Variants in CACNA2D3 observed in about 807,000 individuals in gnomAD.
CACNA2D3 encodes voltage-dependent calcium channel subunit alpha-2/delta-3.
CACNA2D3 carries 60 observed loss-of-function variants against 160.6 expected under a neutral mutation model. That is an observed-to-expected ratio of 0.37 (90% confidence interval 0.30 to 0.46). The LOEUF is 0.46. Among genes scored for constraint, CACNA2D3 ranks in the 20% least tolerant of loss-of-function variants. The pLI, the probability that CACNA2D3 is intolerant of heterozygous loss-of-function variation, is 1.00. For synonymous variants in CACNA2D3, 558 were observed against 492.9 expected (o/e 1.13, Z -1.75); for missense variants, 1,205 against 1,365.0 (o/e 0.88, Z 1.85).
chr3:54,746,268 C>G (rs1701752053), intron 11 of CACNA2D3, among the ~76,000 whole-genome samples: 1 of 152,184 alleles, frequency 6.6e-6, no homozygotes, highest in Non-Finnish European at 1.5e-5. Flanking sequence ...AAATGCTTCT[C>G]TGTACCAGAA....
intron 9 of CACNA2D3, among the ~76,000 whole-genome samples, chr3:54,591,375 G>A (rs1702855616): frequency 1.3e-5 from 2 of 152,254 alleles, no homozygotes; most frequent in South Asian, 4.1e-4. Context: ...AGCCTAGTCA[G>A]CAGCCTGGTT....
At chr3:54,282,610 A>G (rs1026736879) in intron 2 of CACNA2D3, among the ~76,000 whole-genome samples, 7 of 152,192 alleles carry the variant, frequency 4.6e-5, no homozygotes, top group Non-Finnish European at 1.0e-4. Flanking sequence ...GTATTCAGTG[A>G]TGTTACTGTC....
At chr3:54,750,766 G>A (rs1448833089) in intron 11 of CACNA2D3, among the ~76,000 whole-genome samples, 1 of 143,452 alleles carries the variant, frequency 7.0e-6, no homozygotes, top group East Asian at 2.0e-4. Context: ...ATATGAGGCT[G>A]GATCTTTGCT....
intron 2 of CACNA2D3, among the ~76,000 whole-genome samples, chr3:54,170,042 G>A (rs1700534456): frequency 6.6e-6 from 1 of 151,958 alleles, no homozygotes; most frequent in African/African-American, 2.4e-5. Flanking sequence ...ACAAAAATTA[G>A]CCAGGCGTGG....
At chr3:54,154,483 T>A (rs1211354198) in intron 2 of CACNA2D3, among the ~76,000 whole-genome samples, 1 of 152,204 alleles carries the variant, frequency 6.6e-6, no homozygotes, top group Non-Finnish European at 1.5e-5. Flanking sequence ...TACTAGCACA[T>A]ATGTTAAAAC....
intron 17 of CACNA2D3, among the ~76,000 whole-genome samples, chr3:54,860,227 T>C (rs1699262659): frequency 6.6e-6 from 1 of 152,154 alleles, no homozygotes; most frequent in South Asian, 2.1e-4. Flanking sequence ...CTGGAATATT[T>C]AGAAGCTGAC....
chr3:54,920,802 G>A (rs79183578), intron 27 of CACNA2D3, among the ~76,000 whole-genome samples: 13,170 of 152,178 alleles, frequency 0.087, 697 homozygotes, highest in Non-Finnish European at 0.12. Flanking sequence ...TTCATCAGCT[G>A]ACTTCCACCT....
chr3:54,902,255 C>T lies in CACNA2D3; in HGVS notation c.2449+2387C>T, dbSNP rs571543798. Among the ~76,000 whole-genome samples the T allele has an allele frequency of 4.6e-5, 7 of 152,286 alleles. No individual in the cohort carries two copies. The South Asian group carries it at 1.5e-3, about 32-fold the overall frequency. ...AGGCCTGACCTGGTCATCTCATGTT[C>T]ATTGGCTATATATGTCTGGGGTAGA... On this transcript the variant is annotated intron_variant, in intron 27 of 37. Transcript: ENST00000474759.
chr3:54,996,323 A>T (rs760362440), intron 31 of CACNA2D3, among the ~76,000 whole-genome samples: 1 of 152,230 alleles, frequency 6.6e-6, no homozygotes, highest in Non-Finnish European at 1.5e-5. Context: ...AATATTTTCT[A>T]TATTGAATTA....
At chr3:54,645,577 A>G (rs1430067139) in intron 11 of CACNA2D3, among the ~76,000 whole-genome samples, 3 of 151,992 alleles carry the variant, frequency 2.0e-5, no homozygotes, top group Admixed American at 1.3e-4. Context: ...CTTCACTCAT[A>G]TGGTTTCCCT....
Position 54,957,282 on chromosome 3 carries a change from G to C in CACNA2D3, c.2450-11168G>C, listed in dbSNP as rs569656526. Among the ~76,000 whole-genome samples the C allele has an allele frequency of 9.0e-4, 136 of 151,866 alleles. 1 individual carries two copies. Among genetic ancestry groups the C allele is most frequent in the Non-Finnish European group, 1.5e-3 (105 of 67,976 alleles). ...TCAGGTGATCTTCCTACGGAACTTA[G>C]ACTATAGGTGTACGCCACTGCACTC... On this transcript the variant is annotated intron_variant, in intron 27 of 37. Transcript: ENST00000474759.
At chr3:54,775,471 T>C (rs540838900) in intron 13 of CACNA2D3, among the ~76,000 whole-genome samples, 10 of 152,306 alleles carry the variant, frequency 6.6e-5, no homozygotes, top group Admixed American at 5.9e-4. Context: ...GAAGCATTGT[T>C]TTCATCTTTC....
At chr3:54,703,673 A>C (rs1306543321) in intron 11 of CACNA2D3, among the ~76,000 whole-genome samples, 1 of 152,204 alleles carries the variant, frequency 6.6e-6, no homozygotes, top group Non-Finnish European at 1.5e-5. Context: ...ATTTAGGAAG[A>C]AGGTGCCACA....
intron 2 of CACNA2D3, among the ~76,000 whole-genome samples, chr3:54,171,158 T>TTTTTTTTTTA (rs1553743546): frequency 6.4e-5 from 9 of 140,674 alleles, no homozygotes; most frequent in African/African-American, 2.4e-4. Flanking sequence ...TTTTTTTTTT[T>TTTTTTTTTTA]AGGAATAGCT....
Position 54,820,931 on chromosome 3 carries a change from T to TG in CACNA2D3, c.1398+4061_1398+4062insG, listed in dbSNP as rs543730426. ...AGATTCTGTCTATAGGAGCTAAACA[T>TG]CAGTTATTCACTGCAGGATTAATTT... On this transcript the variant is annotated intron_variant, in intron 14 of 37. Transcript: ENST00000474759. 1.2e-4 allele frequency among the ~76,000 whole-genome samples: 18 copies of TG among 152,302 alleles called. 1 individual carries two copies. The South Asian group carries it at 3.7e-3, about 32-fold the overall frequency.
At chr3:54,322,129 A>G (rs529522678) in intron 3 of CACNA2D3, among the ~76,000 whole-genome samples, 1 of 152,344 alleles carries the variant, frequency 6.6e-6, no homozygotes, top group African/African-American at 2.4e-5. Context: ...GGGGCCATGC[A>G]GCATGCTGCC....
At chr3:54,836,226 C>CTTTTTTTTT (rs71096454) in intron 14 of CACNA2D3, among the ~76,000 whole-genome samples, 42 of 92,690 alleles carry the variant, frequency 4.5e-4, no homozygotes, top group African/African-American at 6.6e-4. Context: ...TTTTTTTTTT[C>CTTTTTTTTT]TTTTTTTTTT....
intron 2 of CACNA2D3, among the ~76,000 whole-genome samples, chr3:54,187,988 CCAGGCACTCTTATCAAAGAGAGTCGAA>C (rs1181554656): frequency 2.2e-4 from 34 of 151,948 alleles, no homozygotes; most frequent in Non-Finnish European, 2.8e-4. Flanking sequence ...AGGGAGGGTG[CCAGGCACTCTTATCAAAGAGAGTCGAA>C]CTCCAAAATA....
chr3:55,050,078 T>G (rs1352044687), intron 35 of CACNA2D3, among the ~76,000 whole-genome samples: 5 of 151,890 alleles, frequency 3.3e-5, no homozygotes, highest in Non-Finnish European at 7.4e-5. Flanking sequence ...CTGTGTCTTT[T>G]AATTGGAGCA....
Sources: gnomAD v4.1 joint callset for allele counts (sites outside exome capture counted in the v4.1 genomes callset) on GRCh38, gnomAD v4.1.1 for gene constraint, MANE v1.5 for transcripts, NCBI Gene and HGNC (gene_info 2026-07-23, HGNC 2026-07-21) for gene names.